RBFOX1: variants seen among roughly 807,000 people sequenced by gnomAD.
The protein encoded by RBFOX1 is RNA binding protein fox-1 homolog 1.
A neutral mutation model predicts 57.7 loss-of-function variants in RBFOX1; 8 were observed. The observed-to-expected ratio is 0.14, with a 90% CI of 0.08 to 0.25. RBFOX1 has a LOEUF of 0.25. Ranked by LOEUF, RBFOX1 falls within the 10% of genes least tolerant of loss-of-function variation. The pLI is 1.00. For missense variants in RBFOX1, 611 were observed against 548.5 expected (o/e 1.11, Z -1.14); for synonymous variants, 326 against 222.4 (o/e 1.47, Z -4.15).
At chr16:7,394,222 C>G (rs190658726) in intron 4 of RBFOX1, among the ~76,000 whole-genome samples, 1 of 90,852 alleles carries the variant, frequency 1.1e-5, no homozygotes. Context: ...GGCAACAGAG[C>G]AAGACTCCGC....
chr16:6,869,983 A>G (rs953393), intron 3 of RBFOX1, among the ~76,000 whole-genome samples: 36,343 of 152,074 alleles, frequency 0.24, 4,900 homozygotes, highest in Admixed American at 0.37. Flanking sequence ...TAAGGGATCA[A>G]AGGTAACATT....
chr16:6,454,383 C>T (rs1418264988), intron 2 of RBFOX1, among the ~76,000 whole-genome samples: 1 of 152,050 alleles, frequency 6.6e-6, no homozygotes, highest in African/African-American at 2.4e-5. Flanking sequence ...ATAGCAGAAC[C>T]ATATCTCTAC....
At chr16:6,098,732 C>T (rs763860536) in intron 1 of RBFOX1, among the ~76,000 whole-genome samples, 1 of 152,182 alleles carries the variant, frequency 6.6e-6, no homozygotes, top group Non-Finnish European at 1.5e-5. Context: ...GACACCACAT[C>T]CAGCTAAAAA....
At chr16:7,298,333 C>G (rs1366978252) in intron 4 of RBFOX1, among the ~76,000 whole-genome samples, 1 of 135,480 alleles carries the variant, frequency 7.4e-6, no homozygotes, top group African/African-American at 2.9e-5. Context: ...TTTGCCCAGG[C>G]TCTGGAGTGC....
At chr16:5,934,402 G>A (rs1203355267) in intron 4 of RBFOX1, among the ~76,000 whole-genome samples, 1 of 152,184 alleles carries the variant, frequency 6.6e-6, no homozygotes, top group Non-Finnish European at 1.5e-5. Context: ...TTTATGTAAA[G>A]CTTCCTTTCT....
intron 3 of RBFOX1, among the ~76,000 whole-genome samples, chr16:6,953,423 G>A (rs2081162481): frequency 2.0e-5 from 3 of 151,482 alleles, no homozygotes; most frequent in South Asian, 2.1e-4. Flanking sequence ...GTCTTGCTTT[G>A]TCGCCAATGC....
In RBFOX1 at chr16:5,385,814, C is replaced by G. The variant is rs143892742; in HGVS notation, c.220-81402C>G. Among the ~76,000 whole-genome samples, 702 of 152,294 alleles carry G rather than the reference C, an allele frequency of 4.6e-3. 21 individuals carry two copies. The highest frequency in any genetic ancestry group is 0.042 in the Admixed American group (650 of 15,296). ...GTCTGTTTTCCATGAATCCCTCAAT[C>G]AGCACCAATATTGAAATTGACAAGA... On this transcript the variant is annotated intron_variant, in intron 1 of 2. Coordinates refer to the RBFOX1 transcript ENST00000585867.
At chr16:6,307,493 T>G (rs2079655631) in intron 1 of RBFOX1, among the ~76,000 whole-genome samples, 1 of 150,504 alleles carries the variant, frequency 6.6e-6, no homozygotes, top group Admixed American at 6.6e-5. Flanking sequence ...GTCTAATTGA[T>G]CTAAATACAT....
chr16:5,401,629 A>C (rs1490969724), intron 1 of RBFOX1, among the ~76,000 whole-genome samples: 3 of 152,240 alleles, frequency 2.0e-5, no homozygotes, highest in African/African-American at 7.2e-5. Flanking sequence ...ATAAGTTTAC[A>C]TTATTTTGGA....
At chr16:7,699,469 G>A (rs892244140) in intron 14 of RBFOX1, among the ~76,000 whole-genome samples, 2 of 152,150 alleles carry the variant, frequency 1.3e-5, no homozygotes, top group Admixed American at 6.5e-5. Flanking sequence ...TGCGAGTACA[G>A]GCACGGGCCC....
intron 2 of RBFOX1, among the ~76,000 whole-genome samples, chr16:6,436,326 A>G (rs2094231721): frequency 6.6e-6 from 1 of 152,130 alleles, no homozygotes; most frequent in African/African-American, 2.4e-5. Flanking sequence ...TTTCTCTGTT[A>G]GTATATTTTA....
intron 2 of RBFOX1, among the ~76,000 whole-genome samples, chr16:6,347,833 A>C (rs775654128): frequency 1.3e-5 from 2 of 152,246 alleles, no homozygotes; most frequent in Non-Finnish European, 2.9e-5. Flanking sequence ...GTTTGTTGAA[A>C]GAATGAGTGA....
At chr16:5,973,616 C>T (rs2060006051) in intron 4 of RBFOX1, among the ~76,000 whole-genome samples, 2 of 152,166 alleles carry the variant, frequency 1.3e-5, no homozygotes, top group Non-Finnish European at 2.9e-5. Flanking sequence ...ATGGGGTGCC[C>T]AGATATTTGG....
chr16:6,237,374 C>T (rs868322485), intron 1 of RBFOX1, among the ~76,000 whole-genome samples: 6 of 152,102 alleles, frequency 3.9e-5, no homozygotes, highest in African/African-American at 1.4e-4. Context: ...AGGTCTGACC[C>T]TATAAAGGTG....
At chr16:6,413,177 G>T (rs932875879) in intron 2 of RBFOX1, among the ~76,000 whole-genome samples, 1 of 152,064 alleles carries the variant, frequency 6.6e-6, no homozygotes, top group South Asian at 2.1e-4. Flanking sequence ...AAATTAGCTG[G>T]GTGTGGTGGC....
intron 3 of RBFOX1, among the ~76,000 whole-genome samples, chr16:6,908,436 G>A (rs570286192): frequency 1.4e-5 from 2 of 146,180 alleles, no homozygotes; most frequent in East Asian, 1.9e-4. Flanking sequence ...TGATACCTCT[G>A]GCCTCTGGTG....
chr16:5,709,763 C>A (rs1567429591), intron 3 of RBFOX1, among the ~76,000 whole-genome samples: 1 of 121,596 alleles, frequency 8.2e-6, no homozygotes, highest in African/African-American at 3.2e-5. Flanking sequence ...CCAATATCTC[C>A]CATTTATGAA....
At chr16:6,244,174 C>T (rs1432505656) in intron 1 of RBFOX1, among the ~76,000 whole-genome samples, 1 of 151,984 alleles carries the variant, frequency 6.6e-6, no homozygotes, top group Non-Finnish European at 1.5e-5. Flanking sequence ...TCTACCTTCT[C>T]AGTCACTGTC....
At chr16:5,685,492 T>C (rs1027442974) in intron 3 of RBFOX1, among the ~76,000 whole-genome samples, 3 of 152,228 alleles carry the variant, frequency 2.0e-5, no homozygotes, top group Non-Finnish European at 4.4e-5. Context: ...TGTTCTTCTC[T>C]GATGGTCAAG....
Sources: gnomAD v4.1 joint callset for allele counts (sites outside exome capture counted in the v4.1 genomes callset) on GRCh38, gnomAD v4.1.1 for gene constraint, MANE v1.5 for transcripts, NCBI Gene and HGNC (gene_info 2026-07-23, HGNC 2026-07-21) for gene names.